Variants in MTUS2 observed in about 807,000 individuals in gnomAD.
MTUS2 encodes the protein microtubule-associated tumor suppressor candidate 2.
In MTUS2, 40 loss-of-function variants were observed where a neutral mutation model predicts 114.1. That is an observed-to-expected ratio of 0.35 (90% CI 0.27 to 0.46). MTUS2 has a LOEUF of 0.46. Among genes scored for constraint, MTUS2 ranks in the 20% least tolerant of loss-of-function variants. The probability of loss-of-function intolerance (pLI) is 1.00; values close to 1 mark genes in which losing one functional copy is unlikely to be tolerated. For synonymous variants in MTUS2, 688 were observed against 672.0 expected (o/e 1.02, Z -0.37); for missense variants, 1,679 against 1,705.4 (o/e 0.98, Z 0.27).
chr13:29,258,545 G>A (rs1897356931), intron 5 of MTUS2, among the ~76,000 whole-genome samples: 1 of 152,160 alleles, frequency 6.6e-6, no homozygotes, highest in Non-Finnish European at 1.5e-5. Context: ...ATGGCTGTTT[G>A]GGAGACATCC....
chr13:29,124,674 A>G (rs1891444349), intron 5 of MTUS2, among the ~76,000 whole-genome samples: 1 of 152,360 alleles, frequency 6.6e-6, no homozygotes, highest in South Asian at 2.1e-4. Context: ...AGAGGTGGTA[A>G]CAGACCAAGT....
intron 2 of MTUS2, among the ~76,000 whole-genome samples, chr13:28,958,994 C>T (rs1883196756): frequency 1.3e-5 from 2 of 152,116 alleles, no homozygotes; most frequent in Non-Finnish European, 2.9e-5. Flanking sequence ...GTGAATACTC[C>T]TAGGCAGACC....
At chr13:29,212,486 G>A (rs1895485726) in intron 5 of MTUS2, among the ~76,000 whole-genome samples, 1 of 152,132 alleles carries the variant, frequency 6.6e-6, no homozygotes, top group Non-Finnish European at 1.5e-5. Context: ...TACAGGTTAA[G>A]GGCTCAATCT....
chr13:28,970,608 A>G (rs956181615), intron 2 of MTUS2, among the ~76,000 whole-genome samples: 5 of 152,354 alleles, frequency 3.3e-5, no homozygotes, highest in Admixed American at 1.3e-4. Context: ...GAAGAAAAGT[A>G]AGAAGATGAA....
chr13:29,357,214 A>G (rs1411287112), intron 7 of MTUS2, among the ~76,000 whole-genome samples: 1 of 152,186 alleles, frequency 6.6e-6, no homozygotes, highest in Non-Finnish European at 1.5e-5. Flanking sequence ...TATTATTGTT[A>G]TTAAAGGTGG....
chr13:28,965,959 C>T (rs1397395377), intron 2 of MTUS2, among the ~76,000 whole-genome samples: 1 of 152,182 alleles, frequency 6.6e-6, no homozygotes, highest in African/African-American at 2.4e-5. Flanking sequence ...AACTGGGCAC[C>T]ATGGCCTAGC....
chr13:29,165,194 T>C (rs1421733036), intron 5 of MTUS2, among the ~76,000 whole-genome samples: 1 of 152,214 alleles, frequency 6.6e-6, no homozygotes, highest in Non-Finnish European at 1.5e-5. Context: ...TGTCTGAACT[T>C]CTGTCCTGCC....
At chr13:28,882,829 C>T (rs2138144907) in intron 2 of MTUS2, among the ~76,000 whole-genome samples, 1 of 152,202 alleles carries the variant, frequency 6.6e-6, no homozygotes, top group South Asian at 2.1e-4. Flanking sequence ...CAGTTAGAAA[C>T]TTTTGCTCTA....
chr13:28,966,735 A>AC (rs1258468670), intron 2 of MTUS2, among the ~76,000 whole-genome samples: 27 of 151,680 alleles, frequency 1.8e-4, no homozygotes, highest in East Asian at 3.9e-4. Flanking sequence ...AAAAAAAAAA[A>AC]AAAAAAAAAA....
intron 9 of MTUS2, among the ~76,000 whole-genome samples, chr13:29,448,356 G>C (rs994199291): frequency 1.3e-5 from 2 of 152,200 alleles, no homozygotes; most frequent in African/African-American, 4.8e-5. Flanking sequence ...GCTCAAAGCT[G>C]TGACTATCTG....
At chr13:29,114,887 GA>G (rs1891025241) in intron 5 of MTUS2, among the ~76,000 whole-genome samples, 1 of 152,146 alleles carries the variant, frequency 6.6e-6, no homozygotes, top group African/African-American at 2.4e-5. Context: ...TGTTTAAACA[GA>G]AAAATTTTTT....
chr13:29,039,101 C>T (rs992254800), intron 4 of MTUS2, among the ~76,000 whole-genome samples: 2 of 152,202 alleles, frequency 1.3e-5, no homozygotes, highest in African/African-American at 4.8e-5. Flanking sequence ...GGGCCAGGTG[C>T]GGACCCAGTG....
chr13:29,026,673 G>A lies in MTUS2; in HGVS notation c.1975G>A (p.Asp659Asn), dbSNP rs375859205. Residue 659 changes from aspartate (D) to asparagine (N), a missense_variant, in exon 3 of 16, where the codon GAC becomes AAC. Asp to Asn is a conservative substitution (Grantham distance 23). Transcript: ENST00000612955. ...GAATCCCCAGGCCCTGGGCCAGGTG[G>A]ACGCCTCGCTGGTTCCAGTGGGGCT... ...RRNPQALGQVDASLVPVGLPY... is the reference protein window; with the variant it reads ...RRNPQALGQVNASLVPVGLPY... The A allele has an allele frequency of 3.4e-5, 55 of 1,613,884 alleles. No homozygotes were observed. Among genetic ancestry groups the A allele is most frequent in the Admixed American group, 1.7e-5 (1 of 60,006 alleles).
chr13:29,241,543 C>A (rs1280794424), intron 5 of MTUS2, among the ~76,000 whole-genome samples: 1 of 152,116 alleles, frequency 6.6e-6, no homozygotes, highest in Non-Finnish European at 1.5e-5. Context: ...CGCCCTCCCC[C>A]AGGTGGAATT....
chr13:29,492,826 A>G, intron 12 of MTUS2, 107 bp downstream of exon 12: 1 of 832,620 alleles, frequency 1.2e-6, no homozygotes, highest in South Asian at 1.6e-5. Context: ...ATCCTGTACT[A>G]AACAATAGAA....
intron 2 of MTUS2, among the ~76,000 whole-genome samples, chr13:28,916,339 C>T (rs548249336): frequency 1.2e-4 from 18 of 151,850 alleles, no homozygotes; most frequent in Admixed American, 3.3e-4. Context: ...TGAAAAATGT[C>T]GTTGGTATTT....
At chr13:29,196,138 C>T (rs895129630) in intron 5 of MTUS2, among the ~76,000 whole-genome samples, 5 of 151,320 alleles carry the variant, frequency 3.3e-5, no homozygotes, top group East Asian at 3.9e-4. Flanking sequence ...GCTCTGTCGC[C>T]GAGGTGGGAG....
chr13:28,898,034 AAAACTT>A (rs1178530222), intron 2 of MTUS2, among the ~76,000 whole-genome samples: 1 of 152,168 alleles, frequency 6.6e-6, no homozygotes, highest in Admixed American at 6.5e-5. Context: ...CATGGACCCT[AAAACTT>A]AAAGTATAAA....
chr13:29,311,534 G>T (rs1446795609), intron 6 of MTUS2, among the ~76,000 whole-genome samples: 1 of 152,076 alleles, frequency 6.6e-6, no homozygotes, highest in East Asian at 1.9e-4. Context: ...TGCAAATGAA[G>T]AAAAAGTGTA....
Sources: allele counts gnomAD v4.1 joint callset (sites outside exome capture counted in the v4.1 genomes callset), GRCh38; gene constraint gnomAD v4.1.1; transcripts MANE v1.5; gene names NCBI Gene and HGNC (gene_info 2026-07-23, HGNC 2026-07-21).